The following GPM6A variants were observed in gnomAD, a reference collection of about 807,000 sequenced individuals.
The protein encoded by GPM6A is neuronal membrane glycoprotein M6-a.
A neutral mutation model predicts 32.1 loss-of-function variants in GPM6A; 7 were observed. The ratio of observed to expected loss-of-function variants is 0.22; its 90% CI spans 0.12 to 0.41. The LOEUF is 0.41. Ranked by LOEUF, GPM6A falls within the 10% of genes least tolerant of loss-of-function variation. The pLI is 1.00. For missense variants in GPM6A, 235 were observed against 347.2 expected (o/e 0.68, Z 2.57); for synonymous variants, 130 against 123.4 (o/e 1.05, Z -0.35).
intron 1 of GPM6A, among the ~76,000 whole-genome samples, chr4:175,999,661 G>A (rs1048914510): frequency 1.3e-5 from 2 of 152,002 alleles, no homozygotes; most frequent in African/African-American, 4.8e-5. Flanking sequence ...AGACAAATGA[G>A]AATTGATTGC....
intron 1 of GPM6A, among the ~76,000 whole-genome samples, chr4:175,915,749 T>TG (rs1738474214): frequency 6.6e-6 from 1 of 152,086 alleles, no homozygotes; most frequent in Non-Finnish European, 1.5e-5. Context: ...ACTCAGGGTA[T>TG]GGGGAAAAAA....
At chr4:175,809,634 C>T (rs938121868) in intron 1 of GPM6A, among the ~76,000 whole-genome samples, 2 of 152,082 alleles carry the variant, frequency 1.3e-5, no homozygotes, top group African/African-American at 4.8e-5. Flanking sequence ...TGAAGTCACC[C>T]ATACTGTTAA....
chr4:175,669,848 A>T (rs964775922), intron 3 of GPM6A, among the ~76,000 whole-genome samples: 2 of 152,112 alleles, frequency 1.3e-5, no homozygotes, highest in African/African-American at 4.8e-5. Context: ...AAAAAGGGGA[A>T]ATTTGGACAC....
intron 1 of GPM6A, among the ~76,000 whole-genome samples, chr4:175,935,950 AAC>A (rs1739205497): frequency 6.6e-6 from 1 of 152,062 alleles, no homozygotes. Flanking sequence ...TGAACCATGA[AAC>A]ACTATGCAAT....
chr4:175,713,916 T>A (rs1745692246), intron 1 of GPM6A, among the ~76,000 whole-genome samples: 1 of 152,208 alleles, frequency 6.6e-6, no homozygotes, highest in Admixed American at 6.5e-5. Flanking sequence ...CCAATTTCCA[T>A]CTTTTGTCTG....
intron 1 of GPM6A, among the ~76,000 whole-genome samples, chr4:175,733,494 C>T (rs927892086): frequency 6.6e-6 from 1 of 152,092 alleles, no homozygotes; most frequent in Non-Finnish European, 1.5e-5. Context: ...CAGAGCAAGA[C>T]GCTGTCTCAA....
At chr4:175,711,425 T>TATATATATATATATATATATATATATAC (rs1745526430) in intron 1 of GPM6A, among the ~76,000 whole-genome samples, 1 of 45,332 alleles carries the variant, frequency 2.2e-5, no homozygotes, top group Non-Finnish European at 5.0e-5. Context: ...TATATATATA[T>TATATATATATATATATATATATATATAC]ATATATATAT....
At chr4:175,865,562 A>G (rs1455699916) in intron 1 of GPM6A, among the ~76,000 whole-genome samples, 2 of 152,216 alleles carry the variant, frequency 1.3e-5, no homozygotes, top group Admixed American at 6.5e-5. Context: ...ATCCATGAAC[A>G]TGATATATTT....
intron 1 of GPM6A, among the ~76,000 whole-genome samples, chr4:175,738,190 G>A (rs933250346): frequency 1.1e-4 from 16 of 152,000 alleles, no homozygotes; most frequent in Admixed American, 6.6e-4. Flanking sequence ...TGCCTGCCTC[G>A]GCCTCCCAAT....
At chr4:175,922,214 T>C (rs905589245) in intron 1 of GPM6A, among the ~76,000 whole-genome samples, 2 of 152,218 alleles carry the variant, frequency 1.3e-5, no homozygotes, top group African/African-American at 4.8e-5. Context: ...CCTCAATTCA[T>C]GTTAGCTTCC....
Position 175,863,907 on chromosome 4 carries a change from G to A in GPM6A, c.-22-51658C>T, listed in dbSNP as rs144481882. Among the ~76,000 whole-genome samples, 840 of 152,108 alleles carry A rather than the reference G, an allele frequency of 5.5e-3. 10 individuals are homozygous for A. Among genetic ancestry groups the A allele is most frequent in the African/African-American group, 0.019 (782 of 41,510 alleles). On this transcript the variant is annotated intron_variant, in intron 1 of 7. Coordinates refer to the GPM6A transcript ENST00000280187. ...TCCCACCTATTGGGGAGGCTGAGGC[G>A]GGAGGATCCCTTGAGTCCAGGAATT...
In GPM6A at chr4:175,668,519, A is replaced by ATGTGTG. The variant is rs56106172; in HGVS notation, c.387+5155_387+5160dup. 6.5e-5 allele frequency among the ~76,000 whole-genome samples: 9 copies of ATGTGTG among 139,348 alleles called. 1 individual carries two copies. Among genetic ancestry groups the ATGTGTG allele is most frequent in the South Asian group, 2.5e-4 (1 of 4,016 alleles). The allele number at this position is 139,348 out of a possible 152,430, so 91.4% of individuals were successfully genotyped here. A position where few individuals can be genotyped will look rare whatever the true frequency, so the allele number is the denominator to read the frequency against. Reference sequence around the variant, plus strand: ...CCCACAGTTTAGGATTCAAACGTTTATGTGTGTGTGTGTGTGTGTGTGTTT... The same window carrying ATGTGTG: ...CCCACAGTTTAGGATTCAAACGTTTATGTGTGTGTGTGTGTGTGTGTGTGTGTGTTT... On this transcript the variant is annotated intron_variant, in intron 3 of 6. Transcript: ENST00000393658.
chr4:175,637,312 A>ATATAAAATATATATTATATATTATATATT (rs1740752677), intron 6 of GPM6A, among the ~76,000 whole-genome samples: 5 of 22,572 alleles, frequency 2.2e-4, no homozygotes, highest in African/African-American at 5.5e-4. Context: ...TATTATATAT[A>ATATAAAATATATATTATATATTATATATT]ATATAAAATA....
At chr4:175,822,788 T>C (rs1033956794) in intron 1 of GPM6A, among the ~76,000 whole-genome samples, 2 of 152,148 alleles carry the variant, frequency 1.3e-5, no homozygotes, top group African/African-American at 4.8e-5. Flanking sequence ...CTTTAAGACC[T>C]GCATGCATTA....
chr4:175,961,181 G>A (rs1447028138), intron 1 of GPM6A: 1 of 151,990 alleles, frequency 6.6e-6, no homozygotes, highest in East Asian at 1.9e-4. Flanking sequence ...TCCCTTTATT[G>A]GAAACTTATC....
intron 4 of GPM6A, among the ~76,000 whole-genome samples, chr4:175,650,059 T>C (rs1741691254): frequency 6.6e-6 from 1 of 152,144 alleles, no homozygotes; most frequent in South Asian, 2.1e-4. Context: ...GGGCTCCTTT[T>C]CCGATATTTA....
intron 3 of GPM6A, among the ~76,000 whole-genome samples, chr4:175,657,186 C>T (rs934220190): frequency 6.6e-6 from 1 of 152,156 alleles, no homozygotes; most frequent in African/African-American, 2.4e-5. Context: ...TCATGTTTCC[C>T]ACTTTAACAA....
At chr4:175,648,060 C>T (rs1318500313) in intron 4 of GPM6A, among the ~76,000 whole-genome samples, 1 of 151,604 alleles carries the variant, frequency 6.6e-6, no homozygotes, top group Admixed American at 6.6e-5. Flanking sequence ...TAATTTTAAC[C>T]ACATATTTAT....
intron 1 of GPM6A, among the ~76,000 whole-genome samples, chr4:175,976,418 G>A (rs111662602): frequency 2.6e-3 from 390 of 150,846 alleles, no homozygotes; most frequent in African/African-American, 8.8e-3. Flanking sequence ...CTCCCGCCTC[G>A]GCCTCCCAAA....
Sources: gnomAD v4.1 joint callset for allele counts (sites outside exome capture counted in the v4.1 genomes callset) on GRCh38, gnomAD v4.1.1 for gene constraint, MANE v1.5 for transcripts, NCBI Gene and HGNC (gene_info 2026-07-23, HGNC 2026-07-21) for gene names.